RFC1: variants seen among roughly 807,000 people sequenced by gnomAD.
RFC1 encodes the protein replication factor C subunit 1.
Under a neutral mutation model 137.4 loss-of-function variants are expected in RFC1, and 37 were observed. The observed-to-expected ratio is 0.27, with a 90% CI of 0.21 to 0.35. The LOEUF (loss-of-function observed/expected upper bound fraction) is 0.35. RFC1 is among the 10% of genes least tolerant of loss of function. RFC1 has a pLI of 1.00. For synonymous variants in RFC1, 429 were observed against 455.7 expected, an observed-to-expected ratio of 0.94 and a Z score of 0.75; for missense variants, 1,205 against 1,358.5, an observed-to-expected ratio of 0.89 and a Z score of 1.78.
chr4:39,306,832 A>G (rs1738693423), intron 13 of RFC1, 131 bp from the exon 14 acceptor site: 1 of 632,852 alleles, frequency 1.6e-6, no homozygotes, highest in African/African-American at 1.8e-5. Context: ...TTTGCAGACT[A>G]TTTTCTACAA....
chr4:39,320,727 C>G, intron 8 of RFC1, 58 bp from the exon 9 acceptor site: 1 of 1,471,766 alleles, frequency 6.8e-7, no homozygotes, highest in Non-Finnish European at 9.0e-7. Context: ...TCTATATCAA[C>G]TTTTCTTTCA....
At chr4:39,349,526 C>T (rs544190155) in intron 2 of RFC1, among the ~76,000 whole-genome samples, 3 of 152,196 alleles carry the variant, frequency 2.0e-5, no homozygotes, top group East Asian at 1.9e-4. Context: ...CACGAGAAGG[C>T]AGCCATGTAC....
intron 9 of RFC1, among the ~76,000 whole-genome samples, chr4:39,317,576 T>C (rs1463650964): frequency 6.6e-6 from 1 of 152,030 alleles, no homozygotes; most frequent in Admixed American, 6.6e-5. Flanking sequence ...TGCTATTTCA[T>C]CTCCTCCCAT....
intron 12 of RFC1, among the ~76,000 whole-genome samples, chr4:39,310,374 C>A (rs80355622): frequency 9.3e-4 from 142 of 152,326 alleles, no homozygotes; most frequent in African/African-American, 3.3e-3. Context: ...GTTAACAATA[C>A]GGCATCAATG....
At chr4:39,352,273 A>G (rs1206404549) in intron 1 of RFC1, among the ~76,000 whole-genome samples, 1 of 152,184 alleles carries the variant, frequency 6.6e-6, no homozygotes, top group South Asian at 2.1e-4. Context: ...AAAAGCTTCA[A>G]ATTGTTTTCC....
rs6531708 is a variant in RFC1 at position 39,299,952 on chromosome 4, G to A, written c.2808+69C>T. On this transcript the variant is annotated intron_variant, in intron 21 of 24. Transcript: ENST00000349703. ...AACAAAATAAAATAAAATAAGTACAGCAGCTAAAAGCTATTTAGTTCTCTT... is the reference window on the plus strand; with the variant it reads ...AACAAAATAAAATAAAATAAGTACAACAGCTAAAAGCTATTTAGTTCTCTT... 0.018 allele frequency: 16,071 copies of A among 868,734 alleles called. 1,795 individuals carry two copies. The African/African-American group carries it at 0.24, about 13-fold the overall frequency. 53.8% of individuals were successfully genotyped at this position (868,734 alleles called of 1,614,324 possible).
At position 39,289,990 on chromosome 4, in the gene RFC1, G is replaced by A. The variant is rs1007672189; in HGVS notation, c.3218C>T (p.Pro1073Leu). 2.5e-6 allele frequency: 4 copies of A among 1,613,646 alleles called. No individual in the cohort carries two copies. Among genetic ancestry groups the A allele is most frequent in the Non-Finnish European group, 1.7e-6 (2 of 1,179,760 alleles). The change falls in exon 24 of 25, where the codon CCA (proline) becomes CTA (leucine). Residue 1073 changes from proline (P) to leucine (L), a missense_variant. Transcript: ENST00000349703. ...RAYNKEAHLT[P>L]YSLQAIKASR... ...TGCCTTTATAGCTTGAAGTGAGTATGGAGTAAGGTGGGCTTCCTTATTGTA... is the reference window on the plus strand; with the variant it reads ...TGCCTTTATAGCTTGAAGTGAGTATAGAGTAAGGTGGGCTTCCTTATTGTA...
chr4:39,361,384 TTCAATCAA>T (rs911167647), intron 1 of RFC1, among the ~76,000 whole-genome samples: 4 of 151,924 alleles, frequency 2.6e-5, no homozygotes, highest in African/African-American at 7.3e-5. Context: ...GCGACTGCGT[TTCAATCAA>T]TCAATCAATC....
At chr4:39,337,856 T>G (rs1310994441) in intron 4 of RFC1, among the ~76,000 whole-genome samples, 2 of 152,182 alleles carry the variant, frequency 1.3e-5, no homozygotes, top group Non-Finnish European at 2.9e-5. Flanking sequence ...TCGCCAATTT[T>G]TTTCCCATTT....
intron 14 of RFC1, 63 bp from the exon 15 acceptor site, chr4:39,304,991 G>C: frequency 1.1e-6 from 1 of 909,184 alleles, no homozygotes. Context: ...CCCCCGCCAA[G>C]AAAGGCCAGT....
chr4:39,301,724 T>C (rs568204234), intron 19 of RFC1, among the ~76,000 whole-genome samples: 1 of 152,284 alleles, frequency 6.6e-6, no homozygotes, highest in African/African-American at 2.4e-5. Context: ...AGCAGGAGGA[T>C]CACTTGAGGC....
At chr4:39,317,671 T>G (rs1288006208) in intron 9 of RFC1, among the ~76,000 whole-genome samples, 1 of 152,236 alleles carries the variant, frequency 6.6e-6, no homozygotes, top group Non-Finnish European at 1.5e-5. Context: ...TAGATCCACC[T>G]CCAAGTTTCT....
At chr4:39,335,051 C>T (rs1740285693) in intron 4 of RFC1, among the ~76,000 whole-genome samples, 1 of 152,172 alleles carries the variant, frequency 6.6e-6, no homozygotes, top group South Asian at 2.1e-4. Flanking sequence ...CCAAACAGAT[C>T]TCTGAATTCT....
intron 10 of RFC1, among the ~76,000 whole-genome samples, chr4:39,313,375 T>C (rs962025327): frequency 1.3e-5 from 2 of 152,232 alleles, no homozygotes; most frequent in African/African-American, 4.8e-5. Context: ...ACTCCTATCA[T>C]TTTGATGTTT....
intron 21 of RFC1, among the ~76,000 whole-genome samples, chr4:39,296,603 T>C (rs1379039442): frequency 2.6e-5 from 4 of 151,568 alleles, no homozygotes; most frequent in East Asian, 1.9e-4. Flanking sequence ...GATGGCTGCA[T>C]AGTATTCCAT....
At chr4:39,365,320 C>G (rs1169049087) in intron 1 of RFC1, 1 of 324,398 alleles carries the variant, frequency 3.1e-6, no homozygotes, top group African/African-American at 2.2e-5. Context: ...TCACCGCCCC[C>G]CCCCAGAATG....
At chr4:39,346,384 G>A (rs1028046859) in intron 2 of RFC1, among the ~76,000 whole-genome samples, 1 of 151,984 alleles carries the variant, frequency 6.6e-6, no homozygotes. Flanking sequence ...GCTGAGGCAG[G>A]AGAATCGCTT....
chr4:39,314,252 T>C (rs1306121177), intron 10 of RFC1, among the ~76,000 whole-genome samples: 1 of 152,184 alleles, frequency 6.6e-6, no homozygotes, highest in Non-Finnish European at 1.5e-5. Flanking sequence ...GGTTCTTGGA[T>C]TGAAATGATC....
At chr4:39,290,292 G>A (rs938292323) in intron 23 of RFC1, among the ~76,000 whole-genome samples, 17 of 151,602 alleles carry the variant, frequency 1.1e-4, no homozygotes, top group African/African-American at 3.9e-4. Flanking sequence ...TGAGAATCTT[G>A]AACCCAGGAG....
Sources: allele counts gnomAD v4.1 joint callset (sites outside exome capture counted in the v4.1 genomes callset), GRCh38; gene constraint gnomAD v4.1.1; transcripts MANE v1.5; gene names NCBI Gene and HGNC (gene_info 2026-07-23, HGNC 2026-07-21).